MAP3K4: variants seen among roughly 807,000 people sequenced by gnomAD.
MAP3K4 encodes the protein MAP three kinase 1.
In MAP3K4, 67 loss-of-function variants were observed where a neutral mutation model predicts 185.6. The ratio of observed to expected loss-of-function variants is 0.36; its 90% confidence interval spans 0.30 to 0.44. The LOEUF is 0.44. Among genes scored for constraint, MAP3K4 ranks in the 20% least tolerant of loss-of-function variants. MAP3K4 has a pLI of 1.00. For missense variants in MAP3K4, 1,551 were observed against 1,995.1 expected (o/e 0.78, Z 4.24); for synonymous variants, 702 against 710.4 (o/e 0.99, Z 0.19).
Position 161,067,364 on chromosome 6 carries a change from T to C in MAP3K4, c.1708-3244T>C, listed in dbSNP as rs1432142308. ...TAGCTTCCTTATGCATCGATCTCAG[T>C]GAGCAGAGGGAACAGGATGGGAGGC... On this transcript the variant is annotated intron_variant, in intron 3 of 26. Coordinates refer to ENST00000392142, the MANE Select transcript of MAP3K4 (RefSeq NM_005922.4). This position sits in a 1 kb window ranked among gnomAD's most constrained non-coding sequence, Gnocchi z 6.3. 2 of 339,686 alleles carry C rather than the reference T, an allele frequency of 5.9e-6. No individual in the cohort carries two copies. The highest frequency in any genetic ancestry group is 1.2e-5 in the Non-Finnish European group (2 of 165,644). 21.0% of individuals were successfully genotyped at this position (339,686 alleles called of 1,614,324 possible).
intron 2 of MAP3K4, among the ~76,000 whole-genome samples, chr6:161,042,333 A>G (rs954935422): frequency 1.3e-5 from 2 of 152,178 alleles, no homozygotes; most frequent in Non-Finnish European, 2.9e-5. Context: ...GTTTAAAAAA[A>G]GGCATTTTAT....
chr6:161,058,053 G>A (rs545107599), intron 3 of MAP3K4, among the ~76,000 whole-genome samples: 1 of 152,284 alleles, frequency 6.6e-6, no homozygotes, highest in East Asian at 1.9e-4. Context: ...CTGAACACTC[G>A]CTACATGCCG....
intron 13 of MAP3K4, 63 bp downstream of exon 13, chr6:161,092,206 A>T: frequency 6.3e-7 from 1 of 1,582,440 alleles, no homozygotes; most frequent in South Asian, 1.1e-5. Flanking sequence ...TTGTTCATAT[A>T]TGTTCTGTGG....
At position 161,049,298 on chromosome 6, in the gene MAP3K4, G is replaced by A. The variant is rs765281873; in HGVS notation, c.1026G>A (p.Glu342=). The A allele has an allele frequency of 1.4e-5, 23 of 1,614,024 alleles. No individual in the cohort carries two copies. The South Asian group carries it at 2.4e-4, about 17-fold the overall frequency. ...TTGTAGGTTACTCAACACATCATGAGCATCTCCAACGCCAGAGGGTCTCAT... is the reference window on the plus strand; with the variant it reads ...TTGTAGGTTACTCAACACATCATGAACATCTCCAACGCCAGAGGGTCTCAT... ...TKIVGYSTHH[E]HLQRQRVSFE... is the part of the protein sequence containing the mutation. The change falls in exon 3 of 27, where the codon GAG becomes GAA. Residue 342 remains glutamate (E), a synonymous_variant. Coordinates refer to ENST00000392142, the MANE Select transcript of MAP3K4 (RefSeq NM_005922.4). The surrounding 1 kb of genome is among the most constrained non-coding windows in gnomAD (Gnocchi z 8.4).
Position 161,093,764 on chromosome 6 carries a change from G to T in MAP3K4, c.3349-9G>T. ...CTCTTTACCTTTCCCATTTTCTTTT[G>T]GTTTCTAGAGTTTACAAGCCTTGAT... On this transcript the variant is annotated splice_polypyrimidine_tract_variant and intron_variant, in intron 14 of 26. Coordinates refer to ENST00000392142, the MANE Select transcript of MAP3K4 (RefSeq NM_005922.4). This position sits in a 1 kb window ranked among gnomAD's most constrained non-coding sequence, Gnocchi z 5.2. 1 of 1,588,184 alleles carries T rather than the reference G, an allele frequency of 6.3e-7. No homozygotes were observed. Among genetic ancestry groups the T allele is most frequent in the South Asian group, 1.1e-5 (1 of 89,234 alleles).
In MAP3K4 at chr6:161,098,612, A is replaced by T. The variant is rs1479472794; in HGVS notation, c.3674+185A>T. Among the ~76,000 whole-genome samples the T allele has an allele frequency of 6.6e-6, 1 of 152,228 alleles. No individual in the cohort carries two copies. Among genetic ancestry groups the T allele is most frequent in the South Asian group, 2.1e-4 (1 of 4,832 alleles). On this transcript the variant is annotated intron_variant, in intron 17 of 26. Coordinates refer to ENST00000392142, the MANE Select transcript of MAP3K4 (RefSeq NM_005922.4). This position sits in a 1 kb window ranked among gnomAD's most constrained non-coding sequence, Gnocchi z 4.4. ...CTCTGGCACTGACCAACACGAATGG[A>T]TAACTGTCTGATGTCAGTATTTCTT...
In MAP3K4 at chr6:161,086,508, C is replaced by CT. The variant is rs753348799; in HGVS notation, c.2472+36dup. 1 of 1,602,020 alleles carries CT rather than the reference C, an allele frequency of 6.2e-7. No homozygotes were observed. The highest frequency in any genetic ancestry group is 1.7e-5 in the Admixed American group (1 of 58,494). ...GCTTGCAATCCTGATTAATTAGTAC[C>CT]TTTTTTCTTGTTTTTCTTTTATCTT... On this transcript the variant is annotated intron_variant, in intron 8 of 26. Coordinates refer to ENST00000392142, the MANE Select transcript of MAP3K4 (RefSeq NM_005922.4). The surrounding 1 kb of genome is among the most constrained non-coding windows in gnomAD (Gnocchi z 4.8).
intron 11 of MAP3K4, among the ~76,000 whole-genome samples, chr6:161,089,706 A>G (rs1785930648): frequency 6.6e-6 from 1 of 152,216 alleles, no homozygotes; most frequent in Admixed American, 6.5e-5. Context: ...TATGTGACTT[A>G]TTCATAATGG....
At position 161,098,569 on chromosome 6, in the gene MAP3K4, G is replaced by T. The variant is rs577222093; in HGVS notation, c.3674+142G>T. The T allele has an allele frequency of 2.1e-5, 20 of 945,826 alleles. No homozygotes were observed. The African/African-American group carries it at 3.0e-4, about 14-fold the overall frequency. The allele number at this position is 945,826 out of a possible 1,614,324, so 58.6% of individuals were successfully genotyped here. A position where few individuals can be genotyped will look rare whatever the true frequency, so the allele number is the denominator to read the frequency against. ...AGTGATGCTCTAGGGCCTTCCGCAG[G>T]TTGTCACGGCCCAGAGGCTCTGGCA... On this transcript the variant is annotated intron_variant, in intron 17 of 26. Coordinates refer to ENST00000392142, the MANE Select transcript of MAP3K4 (RefSeq NM_005922.4). This position sits in a 1 kb window ranked among gnomAD's most constrained non-coding sequence, Gnocchi z 4.4.
Position 161,093,950 on chromosome 6 carries a change from T to A in MAP3K4, c.3427+99T>A, listed in dbSNP as rs768607744. 3.1e-5 allele frequency: 28 copies of A among 888,954 alleles called. No individual in the cohort carries two copies. The highest frequency in any genetic ancestry group is 4.5e-5 in the Non-Finnish European group (25 of 558,404). 55.1% of individuals were successfully genotyped at this position (888,954 alleles called of 1,614,324 possible). Reference sequence around the variant, plus strand: ...CGTTTAAAATGGTATAAGAGGTGTTTTAACAGTATTCAGGAAAACGACAAT... The same window carrying A: ...CGTTTAAAATGGTATAAGAGGTGTTATAACAGTATTCAGGAAAACGACAAT... On this transcript the variant is annotated intron_variant, in intron 15 of 26. Coordinates refer to ENST00000392142, the MANE Select transcript of MAP3K4 (RefSeq NM_005922.4). This position sits in a 1 kb window ranked among gnomAD's most constrained non-coding sequence, Gnocchi z 5.2.
In MAP3K4 at chr6:161,047,284, A is replaced by AC. The variant is rs1248496878; in HGVS notation, c.344-1332_344-1331insC. 3.3e-5 allele frequency among the ~76,000 whole-genome samples: 5 copies of AC among 150,758 alleles called. No individual in the cohort carries two copies. In the East Asian group the frequency reaches 9.8e-4, roughly 29 times the overall value. ...AGTGGGATCCTGTCTCTACCCAAAA[A>AC]AAAAAATTAGCTGGGTGTGGTGATG... is the stretch of plus-strand genomic sequence containing the variant. On this transcript the variant is annotated intron_variant, in intron 2 of 26. Transcript: ENST00000392142.
At chr6:161,041,345 G>T (rs187098634) in intron 2 of MAP3K4, among the ~76,000 whole-genome samples, 1 of 152,338 alleles carries the variant, frequency 6.6e-6, no homozygotes, top group Non-Finnish European at 1.5e-5. Flanking sequence ...TGGAGTGCAG[G>T]CTACTGGCAT....
chr6:161,087,409 G>A lies in MAP3K4; in HGVS notation c.2557-279G>A, dbSNP rs1408293068. On this transcript the variant is annotated intron_variant, in intron 9 of 26. Coordinates refer to ENST00000392142, the MANE Select transcript of MAP3K4 (RefSeq NM_005922.4). This position sits in a 1 kb window ranked among gnomAD's most constrained non-coding sequence, Gnocchi z 4.9. The stretch of plus-strand genomic sequence containing the variant: ...TTTCAGGCTGCCTTGCCTCCCCGTC[G>A]AGTATTTTCTTTGTTGTTGAAAATA... Among the ~76,000 whole-genome samples the A allele has an allele frequency of 1.3e-5, 2 of 152,120 alleles. No homozygotes were observed. Among genetic ancestry groups the A allele is most frequent in the Admixed American group, 1.3e-4 (2 of 15,270 alleles).
At chr6:161,062,010 G>C (rs1285372919) in intron 3 of MAP3K4, among the ~76,000 whole-genome samples, 1 of 152,016 alleles carries the variant, frequency 6.6e-6, no homozygotes. Context: ...AACATTTTAT[G>C]TTTTATACTT....
intron 1 of MAP3K4, among the ~76,000 whole-genome samples, chr6:160,998,530 T>G (rs951093953): frequency 4.6e-5 from 7 of 152,186 alleles, no homozygotes; most frequent in African/African-American, 1.7e-4. Context: ...TTGCCAAATT[T>G]TAAATGATTT....
At chr6:161,032,902 G>A (rs967184407) in intron 1 of MAP3K4, among the ~76,000 whole-genome samples, 1 of 152,094 alleles carries the variant, frequency 6.6e-6, no homozygotes, top group Non-Finnish European at 1.5e-5. Context: ...GAGCACATGT[G>A]TACTCTCATA....
At chr6:161,000,375 A>G (rs1781210457) in intron 1 of MAP3K4, among the ~76,000 whole-genome samples, 1 of 152,154 alleles carries the variant, frequency 6.6e-6, no homozygotes, top group African/African-American at 2.4e-5. Flanking sequence ...TTTGTCTACT[A>G]AATGATCAAA....
At chr6:161,052,869 T>C (rs1386471814) in intron 3 of MAP3K4, among the ~76,000 whole-genome samples, 6 of 152,188 alleles carry the variant, frequency 3.9e-5, no homozygotes, top group Non-Finnish European at 7.3e-5. Flanking sequence ...CATTTCTCAC[T>C]GTGACCCTTT....
rs1345641650 is a variant in MAP3K4 at position 161,049,523 on chromosome 6, G to T, written c.1251G>T (p.Lys417Asn). ...TTATGGGCACTGTTTTGGGCATCAA[G>T]AATTTATCAGACATTGGCTGGCCAG... ...LRIMGTVLGI[K>N]NLSDIGWPVF... Residue 417 changes from lysine (K) to asparagine (N), a missense_variant, in exon 3 of 27, where the codon AAG becomes AAT. Physicochemically the swap from Lys to Asn is moderately conservative, Grantham distance 94. Coordinates refer to ENST00000392142, the MANE Select transcript of MAP3K4 (RefSeq NM_005922.4). This position sits in a 1 kb window ranked among gnomAD's most constrained non-coding sequence, Gnocchi z 8.4. The T allele has an allele frequency of 6.2e-7, 1 of 1,614,198 alleles. No homozygotes were observed. Among genetic ancestry groups the T allele is most frequent in the South Asian group, 1.1e-5 (1 of 91,088 alleles).
Sources: gnomAD v4.1 joint callset for allele counts (sites outside exome capture counted in the v4.1 genomes callset) on GRCh38, gnomAD v4.1.1 for gene constraint, Gnocchi (gnomAD v3.1) non-coding constraint, MANE v1.5 for transcripts, NCBI Gene and HGNC (gene_info 2026-07-23, HGNC 2026-07-21) for gene names.